DAB2IP: variants seen among roughly 807,000 people sequenced by gnomAD.
The protein encoded by DAB2IP is disabled homolog 2-interacting protein.
A neutral mutation model predicts 107.2 loss-of-function variants in DAB2IP; 28 were observed. The observed-to-expected ratio is 0.26, with a 90% CI of 0.19 to 0.36. DAB2IP has a LOEUF of 0.36. Ranked by LOEUF, DAB2IP falls within the 10% of genes least tolerant of loss-of-function variation. The probability of loss-of-function intolerance (pLI) is 1.00; values close to 1 mark genes in which losing one functional copy is unlikely to be tolerated. For missense variants in DAB2IP, 1,400 were observed against 1,644.7 expected (o/e 0.85, Z 2.57); for synonymous variants, 755 against 706.4 (o/e 1.07, Z -1.09).
At chr9:121,759,681 G>T (rs1013898883) in intron 5 of DAB2IP, among the ~76,000 whole-genome samples, 4 of 152,180 alleles carry the variant, frequency 2.6e-5, no homozygotes, top group Non-Finnish European at 4.4e-5. Context: ...CTTGCCCAAG[G>T]TGAGTGAGCT....
At chr9:121,675,042 G>A (rs1259914327) in intron 1 of DAB2IP, among the ~76,000 whole-genome samples, 1 of 151,910 alleles carries the variant, frequency 6.6e-6, no homozygotes, top group African/African-American at 2.4e-5. Context: ...GTGTTTGTTG[G>A]TTTGATGGAG....
rs544033183 is a variant in DAB2IP at position 121,770,217 on chromosome 9, G to A, written c.1900-329G>A. Among the ~76,000 whole-genome samples, 3 of 152,348 alleles carry A rather than the reference G, an allele frequency of 2.0e-5. No individual in the cohort carries two copies. In the East Asian group the frequency reaches 5.8e-4, roughly 29 times the overall value. On this transcript the variant is annotated intron_variant, in intron 10 of 15. Coordinates refer to ENST00000408936, the Ensembl canonical transcript of DAB2IP. ...AGCCTCTGGATGGAGAGGTGGAGGT[G>A]TGGAAATGCTGGGATTCCATGTGTG...
At chr9:121,695,659 C>G (rs1416949612) in intron 2 of DAB2IP, among the ~76,000 whole-genome samples, 1 of 152,082 alleles carries the variant, frequency 6.6e-6, no homozygotes, top group Non-Finnish European at 1.5e-5. Flanking sequence ...GTGGGTGTGG[C>G]TAGGGGGTCA....
chr9:121,632,994 G>A lies in DAB2IP; in HGVS notation c.41-45684G>A, dbSNP rs918514366. On this transcript the variant is annotated intron_variant, in intron 1 of 16. Transcript: ENST00000259371. ...CCCTTTCGGGGGGCTCCCCAACCCT[G>A]CTCAGCTTCCCTCTCTCCCAGACTG... is the stretch of plus-strand genomic sequence containing the variant. Among the ~76,000 whole-genome samples the A allele has an allele frequency of 2.6e-5, 4 of 152,312 alleles. No homozygotes were observed. The East Asian group carries it at 5.8e-4, about 22-fold the overall frequency.
intron 3 of DAB2IP, among the ~76,000 whole-genome samples, chr9:121,717,528 G>C (rs983479795): frequency 6.6e-6 from 1 of 152,206 alleles, no homozygotes; most frequent in Non-Finnish European, 1.5e-5. Context: ...TTTATCACAC[G>C]GTGTGTAATT....
intron 2 of DAB2IP, among the ~76,000 whole-genome samples, chr9:121,685,112 TGG>T (rs1828803372): frequency 6.6e-6 from 1 of 151,990 alleles, no homozygotes; most frequent in South Asian, 2.1e-4. Flanking sequence ...ATGGGCGGGG[TGG>T]TGGAAGAGCA....
chr9:121,674,229 G>A (rs941492113), intron 1 of DAB2IP, among the ~76,000 whole-genome samples: 1 of 152,198 alleles, frequency 6.6e-6, no homozygotes, highest in Non-Finnish European at 1.5e-5. Context: ...CTCTTGCCAG[G>A]GTTCCTCTTT....
chr9:121,766,773 G>A lies in DAB2IP; in HGVS notation c.1697+43G>A, dbSNP rs760725596. Reference sequence around the variant, plus strand: ...CACCAGGCAGAGTTGGGCAGGGCTGGTGTCCACAGGGCAGGCCCTGGGGGT... The same window carrying A: ...CACCAGGCAGAGTTGGGCAGGGCTGATGTCCACAGGGCAGGCCCTGGGGGT... On this transcript the variant is annotated intron_variant, in intron 9 of 15. Transcript: ENST00000408936. 5 of 1,599,518 alleles carry A rather than the reference G, an allele frequency of 3.1e-6. No homozygotes were observed. The South Asian group carries it at 4.4e-5, about 14-fold the overall frequency.
At chr9:121,570,111 T>C (rs1267655480) in intron 1 of DAB2IP, among the ~76,000 whole-genome samples, 4 of 85,216 alleles carry the variant, frequency 4.7e-5, no homozygotes, top group African/African-American at 1.6e-4. Context: ...CTTTCTCTTT[T>C]TTTTTTTTTT....
Position 121,773,117 on chromosome 9 carries a change from C to T in DAB2IP, c.2589C>T (p.Ser863=), listed in dbSNP as rs150585317. Residue 863 remains serine (S), a synonymous_variant, in exon 12 of 16, where the codon AGC becomes AGT. Transcript: ENST00000408936. Reference sequence around the variant, plus strand: ...GCTCCCTGAGCTCACACAGCAACAGCGAGGAGTTGGCGGCTGCTGCCAAGC... The same window carrying T: ...GCTCCCTGAGCTCACACAGCAACAGTGAGGAGTTGGCGGCTGCTGCCAAGC... The T allele has an allele frequency of 7.2e-5, 116 of 1,612,176 alleles. No homozygotes were observed. The African/African-American group carries it at 7.7e-4, about 11-fold the overall frequency.
intron 3 of DAB2IP, among the ~76,000 whole-genome samples, chr9:121,719,237 A>T (rs2118809447): frequency 6.6e-6 from 1 of 152,294 alleles, no homozygotes. Flanking sequence ...TGAGGAGGGG[A>T]TGTACCCAAG....
intron 1 of DAB2IP, among the ~76,000 whole-genome samples, chr9:121,622,167 T>C (rs1274239251): frequency 6.6e-6 from 1 of 151,882 alleles, no homozygotes; most frequent in African/African-American, 2.4e-5. Context: ...TTTTTGTATT[T>C]TTAGCAGAGA....
chr9:121,653,822 A>C (rs1458674960), intron 1 of DAB2IP, among the ~76,000 whole-genome samples: 3 of 152,200 alleles, frequency 2.0e-5, no homozygotes, highest in Non-Finnish European at 4.4e-5. Flanking sequence ...CAGACCCCAC[A>C]TACACAGGAT....
At position 121,732,392 on chromosome 9, in the gene DAB2IP, C is replaced by G. The variant is rs1831595891; in HGVS notation, c.363-24621C>G. ...GGAGAAAAGGTTCCAGGATTCTCTGCCAGCCAAAGTCATCACCATAAGACA... is the reference window on the plus strand; with the variant it reads ...GGAGAAAAGGTTCCAGGATTCTCTGGCAGCCAAAGTCATCACCATAAGACA... On this transcript the variant is annotated intron_variant, in intron 3 of 15. Transcript: ENST00000408936. Among the ~76,000 whole-genome samples the G allele has an allele frequency of 2.0e-5, 3 of 152,158 alleles. No homozygotes were observed. In the South Asian group the frequency reaches 6.2e-4, roughly 32 times the overall value.
At chr9:121,603,908 T>C (rs1335755034) in intron 1 of DAB2IP, among the ~76,000 whole-genome samples, 1 of 151,978 alleles carries the variant, frequency 6.6e-6, no homozygotes, top group Non-Finnish European at 1.5e-5. Flanking sequence ...GGCAGAGTGC[T>C]CCATGGGAAT....
At chr9:121,767,611 G>C (rs1834381157) in intron 9 of DAB2IP, among the ~76,000 whole-genome samples, 1 of 152,212 alleles carries the variant, frequency 6.6e-6, no homozygotes, top group Admixed American at 6.5e-5. Context: ...GGACCTGAAG[G>C]CCAGACAGGG....
At position 121,741,508 on chromosome 9, in the gene DAB2IP, T is replaced by TG. The variant is rs566886910; in HGVS notation, c.363-15502dup. On this transcript the variant is annotated intron_variant, in intron 3 of 15. Transcript: ENST00000408936. ...CCAGCAGACTTGCTTAGTCTGGGCT[T>TG]GGGTAGCCGAGACAGGTTGTTTTCA... Among the ~76,000 whole-genome samples, 69 of 152,192 alleles carry TG rather than the reference T, an allele frequency of 4.5e-4. 3 individuals carry two copies. The South Asian group carries it at 0.014, about 30-fold the overall frequency.
intron 1 of DAB2IP, among the ~76,000 whole-genome samples, chr9:121,590,300 C>T (rs988113847): frequency 2.7e-5 from 4 of 150,838 alleles, no homozygotes; most frequent in African/African-American, 9.8e-5. Context: ...CACTCCTCCC[C>T]TGTCATTCAT....
intron 1 of DAB2IP, among the ~76,000 whole-genome samples, chr9:121,625,976 G>A (rs1299983452): frequency 6.6e-6 from 1 of 152,062 alleles, no homozygotes; most frequent in African/African-American, 2.4e-5. Context: ...TTTCCCTCCT[G>A]GCTCACATTG....
Sources: allele counts gnomAD v4.1 joint callset (sites outside exome capture counted in the v4.1 genomes callset), GRCh38; gene constraint gnomAD v4.1.1; transcripts MANE v1.5; gene names NCBI Gene and HGNC (gene_info 2026-07-23, HGNC 2026-07-21).